TNFSF12: variants seen among roughly 807,000 people sequenced by gnomAD.
TNFSF12 encodes tumor necrosis factor ligand superfamily member 12.
A neutral mutation model predicts 31.2 loss-of-function variants in TNFSF12; 16 were observed. The ratio of observed to expected loss-of-function variants is 0.51; its 90% CI spans 0.35 to 0.78. TNFSF12 has a LOEUF of 0.78. TNFSF12 is among the 30% of genes least tolerant of loss of function. The pLI is 0.01. For missense variants in TNFSF12, 324 were observed against 338.8 expected (o/e 0.96, Z 0.34); for synonymous variants, 150 against 151.4 (o/e 0.99, Z 0.07).
intron 5 of TNFSF12, among the ~76,000 whole-genome samples, chr17:7,552,821 T>G (rs969884732): frequency 2.6e-5 from 4 of 151,996 alleles, no homozygotes; most frequent in African/African-American, 9.7e-5. Context: ...AACCACTGTT[T>G]CAAGGAGGAT....
chr17:7,553,035 T>C (rs1470197163), intron 5 of TNFSF12, among the ~76,000 whole-genome samples: 2 of 31,840 alleles, frequency 6.3e-5, no homozygotes, highest in Non-Finnish European at 1.8e-4. Context: ...TTTTTTTTTT[T>C]TTTTTTTTTT....
chr17:7,557,229 G>T lies in TNFSF12; in HGVS notation c.629G>T (p.Cys210Phe). ...ASSLGPQLRLCQVSGLLALRP... is the reference protein window; with the variant it reads ...ASSLGPQLRLFQVSGLLALRP... ...TCCCTCGGGCCCCAGCTCCGCCTCT[G>T]CCAGGTGTCTGGGCTGTTGGCCCTG... Residue 210 changes from cysteine to phenylalanine, a missense_variant, in exon 7 of 7, where the codon TGC (cysteine) becomes TTC (phenylalanine). Coordinates refer to ENST00000293825, the MANE Select transcript of TNFSF12 (RefSeq NM_003809.3). This position sits in a 1 kb window ranked among gnomAD's most constrained non-coding sequence, Gnocchi z 5.2. 6.2e-7 allele frequency: 1 copy of T among 1,612,230 alleles called. No individual in the cohort carries two copies. Among genetic ancestry groups the T allele is most frequent in the Non-Finnish European group, 8.5e-7 (1 of 1,178,714 alleles).
chr17:7,555,833 T>C (rs1298955045), intron 5 of TNFSF12, among the ~76,000 whole-genome samples: 2 of 151,410 alleles, frequency 1.3e-5, no homozygotes, highest in Admixed American at 6.6e-5. Flanking sequence ...TCAGTGTTGG[T>C]TGAGATGAGT....
Position 7,549,124 on chromosome 17 carries a change from G to A in TNFSF12, c.-30G>A. 3.2e-6 allele frequency: 4 copies of A among 1,247,026 alleles called. No homozygotes were observed. Among genetic ancestry groups the A allele is most frequent in the Non-Finnish European group, 4.0e-6 (4 of 996,546 alleles). 77.2% of individuals were successfully genotyped at this position (1,247,026 alleles called of 1,614,324 possible). ...ATCCCTCGGGTCCCGGGATGGGGGG[G>A]CGGTGAGGCAGGCACAGCCCCCCGC... On this transcript the variant is annotated 5_prime_UTR_variant, in exon 1 of 7. Coordinates refer to ENST00000293825, the MANE Select transcript of TNFSF12 (RefSeq NM_003809.3). This position sits in a 1 kb window ranked among gnomAD's most constrained non-coding sequence, Gnocchi z 4.1.
At chr17:7,553,098 C>A (rs1474245402) in intron 5 of TNFSF12, among the ~76,000 whole-genome samples, 1 of 121,962 alleles carries the variant, frequency 8.2e-6, no homozygotes, top group African/African-American at 3.3e-5. Context: ...CAGGCTGGAT[C>A]CAGTGCAATG....
chr17:7,549,293 G>C lies in TNFSF12; in HGVS notation c.140G>C (p.Arg47Pro). Residue 47 changes from arginine to proline, a missense_variant, in exon 1 of 7, where the codon CGG becomes CCG. Coordinates refer to ENST00000293825, the MANE Select transcript of TNFSF12 (RefSeq NM_003809.3). The surrounding 1 kb of genome is among the most constrained non-coding windows in gnomAD (Gnocchi z 4.1). ...CTGGCCGTGGTCAGTTTGGGGAGCCGGGCATCGCTGTCCGCCCAGGTGAGG... is the reference window on the plus strand; with the variant it reads ...CTGGCCGTGGTCAGTTTGGGGAGCCCGGCATCGCTGTCCGCCCAGGTGAGG... The part of the protein sequence containing the change: ...LLLAVVSLGS[R>P]ASLSAQEPAQ... The C allele has an allele frequency of 7.2e-7, 1 of 1,394,382 alleles. No individual in the cohort carries two copies. Among genetic ancestry groups the C allele is most frequent in the Non-Finnish European group, 9.3e-7 (1 of 1,075,338 alleles). The allele number at this position is 1,394,382 out of a possible 1,614,324, so 86.4% of individuals were successfully genotyped here.
intron 5 of TNFSF12, among the ~76,000 whole-genome samples, chr17:7,555,127 A>C (rs2071046170): frequency 7.1e-6 from 1 of 140,490 alleles, no homozygotes; most frequent in Non-Finnish European, 1.6e-5. Flanking sequence ...AGCCTGGGTG[A>C]CAAGAGTGAG....
chr17:7,555,068 AC>A (rs1211896320), intron 5 of TNFSF12, among the ~76,000 whole-genome samples: 1 of 151,358 alleles, frequency 6.6e-6, no homozygotes, highest in Non-Finnish European at 1.5e-5. Flanking sequence ...AATCACTTGA[AC>A]CCGGGAGGCG....
Position 7,556,873 on chromosome 17 carries a change from C to A in TNFSF12, c.469C>A (p.Arg157=). The A allele has an allele frequency of 6.5e-7, 1 of 1,540,838 alleles. No individual in the cohort carries two copies. The highest frequency in any genetic ancestry group is 8.8e-7 in the Non-Finnish European group (1 of 1,141,342). The change falls in exon 6 of 7, where the codon CGG becomes AGG. Residue 157 remains arginine, a synonymous_variant. Transcript: ENST00000293825. ...NRQIGEFIVT[R]AGLYYLYCQV... ...CCAGATCGGGGAGTTTATAGTCACC[C>A]GGGCTGGGCTCTACTACCTGTACTG...
At chr17:7,555,850 G>T (rs895479052) in intron 5 of TNFSF12, among the ~76,000 whole-genome samples, 1 of 152,052 alleles carries the variant, frequency 6.6e-6, no homozygotes, top group Admixed American at 6.6e-5. Flanking sequence ...GAGTTTGAGG[G>T]GCTATTGCTG....
Position 7,556,923 on chromosome 17 carries a change from T to C in TNFSF12, c.498+21T>C, listed in dbSNP as rs375306666. ...GTCAGGTAAGCCCCATCTGGCTGCA[T>C]GGGTAACGCAGTAAGAGAGTGGCGA... On this transcript the variant is annotated intron_variant, in intron 6 of 6. Coordinates refer to ENST00000293825, the MANE Select transcript of TNFSF12 (RefSeq NM_003809.3). 1.2e-4 allele frequency: 176 copies of C among 1,512,250 alleles called. 1 individual carries two copies. The African/African-American group carries it at 2.2e-3, about 19-fold the overall frequency. The allele number at this position is 1,512,250 out of a possible 1,614,324, so 93.7% of individuals were successfully genotyped here.
chr17:7,549,183 G>C lies in TNFSF12; in HGVS notation c.30G>C (p.Arg10Ser). The part of the protein sequence containing the change: MAARRSQRR[R>S]GRRGEPGTAL... ...CCGCCCGTCGGAGCCAGAGGCGGAG[G>C]GGGCGCCGGGGGGAGCCGGGCACCG... is the stretch of plus-strand genomic sequence containing the variant. Residue 10 changes from arginine to serine, a missense_variant, in exon 1 of 7, where the codon AGG becomes AGC. Physicochemically the swap from Arg to Ser is moderately radical, Grantham distance 110. Coordinates refer to ENST00000293825, the MANE Select transcript of TNFSF12 (RefSeq NM_003809.3). This position sits in a 1 kb window ranked among gnomAD's most constrained non-coding sequence, Gnocchi z 4.1. 1 of 1,301,350 alleles carries C rather than the reference G, an allele frequency of 7.7e-7. No homozygotes were observed. The allele number at this position is 1,301,350 out of a possible 1,614,324, so 80.6% of individuals were successfully genotyped here.
chr17:7,556,704 C>A, intron 5 of TNFSF12, 74 bp from the exon 6 acceptor site: 2 of 1,383,478 alleles, frequency 1.4e-6, no homozygotes, highest in Non-Finnish European at 1.9e-6. Flanking sequence ...TGTTCATATG[C>A]TCAATGGATC....
At chr17:7,555,279 C>T (rs1415741863) in intron 5 of TNFSF12, among the ~76,000 whole-genome samples, 1 of 152,120 alleles carries the variant, frequency 6.6e-6, no homozygotes, top group Non-Finnish European at 1.5e-5. Flanking sequence ...CAAGGTGCCG[C>T]TGGGCCTTGA....
chr17:7,556,754 T>G, intron 5 of TNFSF12, 24 bp from the exon 6 acceptor site: 1 of 1,489,376 alleles, frequency 6.7e-7, no homozygotes, highest in Non-Finnish European at 8.9e-7. Flanking sequence ...AGACGTTTCC[T>G]TATCTCTGAG....
At chr17:7,555,977 T>TTTTG (rs1555564699) in intron 5 of TNFSF12, among the ~76,000 whole-genome samples, 9 of 80,584 alleles carry the variant, frequency 1.1e-4, no homozygotes, top group African/African-American at 6.5e-4. Context: ...GTGAGCGTTT[T>TTTTG]TTTTGTTTTT....
intron 5 of TNFSF12, among the ~76,000 whole-genome samples, chr17:7,551,305 G>A (rs190199925): frequency 1.2e-3 from 189 of 151,982 alleles, no homozygotes; most frequent in African/African-American, 4.0e-3. Flanking sequence ...TGCTGCTAGT[G>A]TCTGCTCATC....
chr17:7,557,039 A>T lies in TNFSF12; in HGVS notation c.499-60A>T. Reference sequence around the variant, plus strand: ...ATGGGATGCCTGCGTCGCTGAGGAAATTGGAAATTGAGGCGAGGGCAGGCA... The same window carrying T: ...ATGGGATGCCTGCGTCGCTGAGGAATTTGGAAATTGAGGCGAGGGCAGGCA... On this transcript the variant is annotated intron_variant, in intron 6 of 6. Coordinates refer to ENST00000293825, the MANE Select transcript of TNFSF12 (RefSeq NM_003809.3). This position sits in a 1 kb window ranked among gnomAD's most constrained non-coding sequence, Gnocchi z 5.2. 1 of 1,561,242 alleles carries T rather than the reference A, an allele frequency of 6.4e-7. No homozygotes were observed. Among genetic ancestry groups the T allele is most frequent in the Non-Finnish European group, 8.7e-7 (1 of 1,149,292 alleles).
In TNFSF12 at chr17:7,553,042, T is replaced by C. The variant is rs1273484901; in HGVS notation, c.373+2064T>C. On this transcript the variant is annotated intron_variant, in intron 5 of 6. Transcript: ENST00000293825. ...GACAACCTTTTTTTTTTTTTTTTTTTTTTTTTTTTTTTTTTTTTTTGTGAC... is the reference window on the plus strand; with the variant it reads ...GACAACCTTTTTTTTTTTTTTTTTTCTTTTTTTTTTTTTTTTTTTTGTGAC... Among the ~76,000 whole-genome samples the C allele has an allele frequency of 6.0e-5, 5 of 83,264 alleles. No individual in the cohort carries two copies. The East Asian group carries it at 1.4e-3, about 23-fold the overall frequency. The allele number at this position is 83,264 out of a possible 152,430, so 54.6% of individuals were successfully genotyped here. A position where few individuals can be genotyped will look rare whatever the true frequency, so the allele number is the denominator to read the frequency against.
Sources: gnomAD v4.1 joint callset for allele counts (sites outside exome capture counted in the v4.1 genomes callset) on GRCh38, gnomAD v4.1.1 for gene constraint, Gnocchi (gnomAD v3.1) non-coding constraint, MANE v1.5 for transcripts, NCBI Gene and HGNC (gene_info 2026-07-23, HGNC 2026-07-21) for gene names.